Variants in ZFAND3 observed in about 807,000 individuals in gnomAD.
The protein encoded by ZFAND3 is zinc finger AN1-type containing 3.
A neutral mutation model predicts 29.6 loss-of-function variants in ZFAND3; 10 were observed. The ratio of observed to expected loss-of-function variants is 0.34; its 90% CI spans 0.21 to 0.57. ZFAND3 has a LOEUF of 0.57. ZFAND3 is among the 20% of genes least tolerant of loss of function. ZFAND3 has a pLI of 0.86. For missense variants in ZFAND3, 230 were observed against 304.5 expected (o/e 0.76, Z 1.82); for synonymous variants, 128 against 112.6 (o/e 1.14, Z -0.87).
intron 4 of ZFAND3, among the ~76,000 whole-genome samples, chr6:38,114,790 T>A (rs1352377893): frequency 2.6e-5 from 4 of 152,226 alleles, no homozygotes; most frequent in African/African-American, 9.6e-5. Context: ...AGAGCCACTT[T>A]AAGTAGAACA....
At chr6:38,087,722 T>C (rs1321108168) in intron 4 of ZFAND3, among the ~76,000 whole-genome samples, 1 of 152,162 alleles carries the variant, frequency 6.6e-6, no homozygotes, top group Non-Finnish European at 1.5e-5. Context: ...GAAAAGGAAT[T>C]CCTTGTACAC....
intron 2 of ZFAND3, among the ~76,000 whole-genome samples, chr6:37,974,255 A>G (rs1164112671): frequency 1.3e-5 from 2 of 151,924 alleles, no homozygotes; most frequent in Non-Finnish European, 2.9e-5. Context: ...GTAGAGACGG[A>G]GTTTGACCAT....
chr6:37,972,258 G>C (rs1762401709), intron 2 of ZFAND3, among the ~76,000 whole-genome samples: 3 of 152,164 alleles, frequency 2.0e-5, no homozygotes, highest in Admixed American at 2.0e-4. Flanking sequence ...GCACACAGAA[G>C]GCCCACATAA....
chr6:37,847,403 G>C (rs1764201473), intron 1 of ZFAND3, among the ~76,000 whole-genome samples: 1 of 151,948 alleles, frequency 6.6e-6, no homozygotes, highest in South Asian at 2.1e-4. Flanking sequence ...GTGAAACCCT[G>C]TCTCTACTAA....
intron 1 of ZFAND3, among the ~76,000 whole-genome samples, chr6:37,885,023 C>T (rs574859605): frequency 6.6e-6 from 1 of 152,116 alleles, no homozygotes; most frequent in African/African-American, 2.4e-5. Flanking sequence ...ATCTAGTTTT[C>T]GAGCCTCTTT....
chr6:38,075,925 T>G (rs1443163097), intron 3 of ZFAND3, among the ~76,000 whole-genome samples: 1 of 152,158 alleles, frequency 6.6e-6, no homozygotes, highest in Non-Finnish European at 1.5e-5. Context: ...CTAATTTTTT[T>G]GTATTTTTAG....
chr6:37,946,878 TGGG>T (rs781046664), intron 2 of ZFAND3, among the ~76,000 whole-genome samples: 2 of 151,780 alleles, frequency 1.3e-5, no homozygotes, highest in Non-Finnish European at 2.9e-5. Context: ...GGCTAGAGGG[TGGG>T]GGAACTGGAG....
chr6:38,043,779 AGCTT>A (rs1015411753), intron 2 of ZFAND3, among the ~76,000 whole-genome samples: 2 of 151,176 alleles, frequency 1.3e-5, no homozygotes, highest in Non-Finnish European at 3.0e-5. Context: ...CACCACACCC[AGCTT>A]GCTTGCTTGC....
At chr6:38,050,602 T>C (rs1764007686) in intron 2 of ZFAND3, among the ~76,000 whole-genome samples, 1 of 152,120 alleles carries the variant, frequency 6.6e-6, no homozygotes, top group Non-Finnish European at 1.5e-5. Flanking sequence ...AAGGACATGT[T>C]TGCTTCCCCT....
intron 2 of ZFAND3, among the ~76,000 whole-genome samples, chr6:37,933,089 G>A (rs1216642980): frequency 1.3e-5 from 2 of 152,200 alleles, no homozygotes; most frequent in Non-Finnish European, 2.9e-5. Flanking sequence ...AGAGCCATGA[G>A]TTTTACAAGA....
At chr6:38,142,130 A>T (rs1385837891) in intron 5 of ZFAND3, 4 of 462,190 alleles carry the variant, frequency 8.7e-6, no homozygotes, top group Non-Finnish European at 1.8e-5. Context: ...TTGCTGTGGA[A>T]GCAGGGTTGA....
chr6:37,852,784 C>T (rs181243639), intron 1 of ZFAND3, among the ~76,000 whole-genome samples: 13 of 150,748 alleles, frequency 8.6e-5, no homozygotes, highest in Non-Finnish European at 1.2e-4. Flanking sequence ...GGCATGATCT[C>T]GGCTCACTGC....
intron 4 of ZFAND3, among the ~76,000 whole-genome samples, chr6:38,110,755 A>C (rs1479574632): frequency 6.6e-6 from 1 of 152,204 alleles, no homozygotes; most frequent in East Asian, 1.9e-4. Flanking sequence ...AGGGAATAGC[A>C]GAAGGCTTTC....
chr6:38,009,041 A>G (rs1763100403), intron 2 of ZFAND3, among the ~76,000 whole-genome samples: 1 of 152,216 alleles, frequency 6.6e-6, no homozygotes, highest in African/African-American at 2.4e-5. Flanking sequence ...GTTGCCTTGC[A>G]GACCTGTGTT....
At chr6:38,059,793 T>C (rs976037460) in intron 2 of ZFAND3, among the ~76,000 whole-genome samples, 65 of 152,096 alleles carry the variant, frequency 4.3e-4, no homozygotes, top group African/African-American at 1.4e-3. Context: ...GGAGAATTGC[T>C]TGAGCCTGGG....
chr6:37,974,154 C>T (rs374056510), intron 2 of ZFAND3, among the ~76,000 whole-genome samples: 28 of 152,278 alleles, frequency 1.8e-4, no homozygotes, highest in African/African-American at 6.0e-4. Context: ...TGCCTCTCCC[C>T]TAGGTTCAAG....
intron 5 of ZFAND3, among the ~76,000 whole-genome samples, chr6:38,147,577 G>A (rs1766135611): frequency 6.6e-6 from 1 of 152,166 alleles, no homozygotes; most frequent in Non-Finnish European, 1.5e-5. Flanking sequence ...TTCTATAGTG[G>A]CTTTCCTAGT....
intron 1 of ZFAND3, among the ~76,000 whole-genome samples, chr6:37,846,745 T>C (rs1233689261): frequency 6.6e-6 from 1 of 150,628 alleles, no homozygotes; most frequent in Non-Finnish European, 1.5e-5. Context: ...GGAGTCTCGC[T>C]CTGTCGCCCA....
intron 5 of ZFAND3, among the ~76,000 whole-genome samples, chr6:38,117,621 AGGTT>A (rs1765447007): frequency 1.3e-5 from 2 of 152,248 alleles, no homozygotes; most frequent in Admixed American, 1.3e-4. Context: ...AGCTGTCATC[AGGTT>A]GACTTTGAGA....
Sources: gnomAD v4.1 joint callset for allele counts (sites outside exome capture counted in the v4.1 genomes callset) on GRCh38, gnomAD v4.1.1 for gene constraint, MANE v1.5 for transcripts, NCBI Gene and HGNC (gene_info 2026-07-23, HGNC 2026-07-21) for gene names.